Variants in TCOF1 observed in about 807,000 individuals in gnomAD.
TCOF1 encodes the protein treacle ribosome biogenesis factor 1.
In TCOF1, 33 loss-of-function variants were observed where a neutral mutation model predicts 149.0. The ratio of observed to expected loss-of-function variants is 0.22; its 90% CI spans 0.17 to 0.30. TCOF1 has a LOEUF of 0.30. Ranked by LOEUF, TCOF1 falls within the 10% of genes least tolerant of loss-of-function variation. The pLI is 1.00. For missense variants in TCOF1, 1,728 were observed against 1,840.7 expected, an observed-to-expected ratio of 0.94 and a Z score of 1.12; for synonymous variants, 789 against 738.8, an observed-to-expected ratio of 1.07 and a Z score of -1.10.
At chr5:150,367,536 G>A (rs1277244020) in intron 3 of TCOF1, 2 of 401,686 alleles carry the variant, frequency 5.0e-6, no homozygotes, top group Non-Finnish European at 9.5e-6. Flanking sequence ...TGCCCAGTAG[G>A]CAGCAAGAAT....
Position 150,376,308 on chromosome 5 carries a change from G to A in TCOF1, c.2120G>A (p.Gly707Asp). The change falls in exon 13 of 27, where the codon GGT becomes GAT. Residue 707 changes from glycine (G) to aspartate (D), a missense_variant. By Grantham distance (94) the Gly-to-Asp change is moderately conservative. Transcript: ENST00000643257. Reference sequence around the variant, plus strand: ...TCAGATAGTGAGGAAGAGAAGACAGGTCTTGCAGTAACCGTGGGACAGGTG... The same window carrying A: ...TCAGATAGTGAGGAAGAGAAGACAGATCTTGCAGTAACCGTGGGACAGGTG... ...EESDSEEEKT[G>D]LAVTVGQAKS... is the part of the protein sequence containing the mutation. 6.2e-7 allele frequency: 1 copy of A among 1,614,140 alleles called. No homozygotes were observed. The highest frequency in any genetic ancestry group is 1.3e-5 in the African/African-American group (1 of 75,026).
rs199890846 is a variant in TCOF1, at chr5:150,396,520, G to T, written c.4023G>T (p.Lys1341Asn). ...VVDTTKESSR[K>N]GWESRKRKLS... ...ACACCACCAAGGAGAGCAGCAGGAAGGGCTGGGAGAGCCGCAAGCGGAAGC... is the reference window on the plus strand; with the variant it reads ...ACACCACCAAGGAGAGCAGCAGGAATGGCTGGGAGAGCCGCAAGCGGAAGC... Residue 1341 changes from lysine (K) to asparagine (N), a missense_variant, in exon 24 of 27, where the codon AAG becomes AAT. This residue lies in a region of TCOF1 where 1,696 missense variants were observed against 1,765.4 expected (regional missense o/e 0.96). Transcript: ENST00000643257. 1.2e-6 allele frequency: 2 copies of T among 1,610,096 alleles called. No individual in the cohort carries two copies. The highest frequency in any genetic ancestry group is 1.7e-6 in the Non-Finnish European group (2 of 1,178,312).
At chr5:150,395,830 T>C (rs1170787283) in intron 23 of TCOF1, among the ~76,000 whole-genome samples, 1 of 152,140 alleles carries the variant, frequency 6.6e-6, no homozygotes, top group African/African-American at 2.4e-5. Flanking sequence ...CCTCACGTTA[T>C]AGACAGGGAA....
intron 5 of TCOF1, 106 bp from the exon 6 acceptor site, chr5:150,369,423 C>G (rs1762049223): frequency 7.4e-7 from 1 of 1,359,460 alleles, no homozygotes; most frequent in Admixed American, 1.7e-5. Context: ...GGGGTGAGCG[C>G]TCAGCACCTG....
intron 17 of TCOF1, chr5:150,383,131 G>T (rs1436721626): frequency 1.3e-6 from 2 of 1,536,086 alleles, no homozygotes; most frequent in East Asian, 2.4e-5. Context: ...GAACACGGAG[G>T]GGTCCTCGGA....
intron 18 of TCOF1, among the ~76,000 whole-genome samples, chr5:150,389,071 A>G (rs984456846): frequency 2.0e-5 from 3 of 152,214 alleles, no homozygotes; most frequent in Non-Finnish European, 2.9e-5. Context: ...TGAGAGCCCT[A>G]TCTCTACCTA....
chr5:150,383,547 C>T (rs1765665578), intron 17 of TCOF1, among the ~76,000 whole-genome samples: 1 of 152,232 alleles, frequency 6.6e-6, no homozygotes, highest in Non-Finnish European at 1.5e-5. Context: ...AGGTACTTGC[C>T]ACAGTCCCCT....
At chr5:150,359,672 G>A (rs559514552) in intron 1 of TCOF1, among the ~76,000 whole-genome samples, 1 of 152,254 alleles carries the variant, frequency 6.6e-6, no homozygotes, top group South Asian at 2.1e-4. Context: ...CGCAGCTATG[G>A]TACTTCACAG....
Position 150,374,702 on chromosome 5 carries a change from C to T in TCOF1, c.1169C>T (p.Pro390Leu). The change falls in exon 9 of 27, where the codon CCC becomes CTC. Residue 390 changes from proline to leucine, a missense_variant. Around this residue, in one of 2 missense-constraint regions of TCOF1, gnomAD observed 1,696 missense variants for 1,765.4 expected, o/e 0.96. Transcript: ENST00000643257. Reference sequence around the variant, plus strand: ...CCCAGGAAAGGAGCTGCCCCAGCGCCCCCTGGGAAGACAGGGCCTGCAGTT... The same window carrying T: ...CCCAGGAAAGGAGCTGCCCCAGCGCTCCCTGGGAAGACAGGGCCTGCAGTT... ...ESPRKGAAPA[P>L]PGKTGPAVAK... The T allele has an allele frequency of 6.2e-7, 1 of 1,613,716 alleles. No homozygotes were observed.
chr5:150,372,125 A>G lies in TCOF1; in HGVS notation c.759A>G (p.Lys253=), dbSNP rs756393850. ...GKVGDVTPQV[K]GGALPPAKRA... ...TGGGGGATGTGACACCCCAGGTCAA[A>G]GGAGGGGCCCTGCCCCCAGCCAAGA... Residue 253 remains lysine, a synonymous_variant, in exon 7 of 27, where the codon AAA becomes AAG. Coordinates refer to ENST00000643257, the MANE Select transcript of TCOF1 (RefSeq NM_001371623.1). The G allele has an allele frequency of 6.2e-7, 1 of 1,614,236 alleles. No homozygotes were observed. The highest frequency in any genetic ancestry group is 1.7e-5 in the Admixed American group (1 of 60,030).
intron 19 of TCOF1, among the ~76,000 whole-genome samples, chr5:150,390,610 G>A (rs1213707242): frequency 6.6e-6 from 1 of 150,906 alleles, no homozygotes; most frequent in Non-Finnish European, 1.5e-5. Context: ...CCATCCCACT[G>A]AGAGGATGAA....
intron 6 of TCOF1, among the ~76,000 whole-genome samples, chr5:150,371,377 C>T (rs1367085807): frequency 1.3e-5 from 2 of 152,180 alleles, no homozygotes; most frequent in African/African-American, 4.8e-5. Flanking sequence ...CCACTCCCAG[C>T]CCTCCATAAA....
In TCOF1 at chr5:150,387,979, G is replaced by A; in HGVS notation, c.2937G>A (p.Gln979=). The A allele has an allele frequency of 1.2e-6, 2 of 1,613,984 alleles. No individual in the cohort carries two copies. The highest frequency in any genetic ancestry group is 2.2e-5 in the South Asian group (2 of 91,072). Reference sequence around the variant, plus strand: ...CAGCTGCTACACCCGCACAAGCCCAGGCTGCAAGCACCCCGAGGAAGGCCC... The same window carrying A: ...CAGCTGCTACACCCGCACAAGCCCAAGCTGCAAGCACCCCGAGGAAGGCCC... The part of the protein sequence containing the change: ...AGPAATPAQA[Q]AASTPRKARA... The change falls in exon 18 of 27, where the codon CAG becomes CAA. Residue 979 remains glutamine (Q), a synonymous_variant. Coordinates refer to ENST00000643257, the MANE Select transcript of TCOF1 (RefSeq NM_001371623.1).
In TCOF1 at chr5:150,376,418, C is replaced by G. The variant is rs781214207; in HGVS notation, c.2143-5C>G. On this transcript the variant is annotated splice_region_variant and splice_polypyrimidine_tract_variant and intron_variant, in intron 13 of 26. Coordinates refer to ENST00000643257, the MANE Select transcript of TCOF1 (RefSeq NM_001371623.1). ...GAGACACCTCTCTTCCCCTTGTCAT[C>G]CCAGGCAAAGTCTGTGGGGAAAGGC... The G allele has an allele frequency of 6.2e-7, 1 of 1,614,088 alleles. No individual in the cohort carries two copies. Among genetic ancestry groups the G allele is most frequent in the Non-Finnish European group, 8.5e-7 (1 of 1,180,034 alleles).
intron 12 of TCOF1, 84 bp from the exon 13 acceptor site, chr5:150,375,998 C>A (rs1763708257): frequency 6.2e-7 from 1 of 1,613,802 alleles, no homozygotes; most frequent in Admixed American, 1.7e-5. Flanking sequence ...TCAGGCAGAG[C>A]ATGGGTTTTG....
chr5:150,399,129 G>C (rs768783751), intron 26 of TCOF1, 59 bp downstream of exon 26: 53 of 1,609,890 alleles, frequency 3.3e-5, no homozygotes, highest in Non-Finnish European at 4.5e-5. Context: ...GGTGTCCCCT[G>C]TGGTCCCAGA....
In TCOF1 at chr5:150,379,209, A is replaced by G. The variant is rs777568396; in HGVS notation, c.2479-20A>G. 4.3e-6 allele frequency: 7 copies of G among 1,614,008 alleles called. No homozygotes were observed. The highest frequency in any genetic ancestry group is 2.2e-5 in the East Asian group (1 of 44,888). On this transcript the variant is annotated intron_variant, in intron 15 of 26. Transcript: ENST00000643257. ...AGGAATCACTTTTGCCTCCAATACT[A>G]TTATCCCCCTGCAATTCAGGTGAAG...
intron 4 of TCOF1, chr5:150,368,210 G>A: frequency 2.3e-6 from 1 of 440,812 alleles, no homozygotes; most frequent in Non-Finnish European, 4.2e-6. Context: ...TCACTCAACA[G>A]ATCTTGACTA....
chr5:150,399,614 T>C (rs1769369289), intron 26 of TCOF1, among the ~76,000 whole-genome samples, 196 bp from the exon 27 acceptor site: 1 of 152,126 alleles, frequency 6.6e-6, no homozygotes, highest in South Asian at 2.1e-4. Context: ...GCCCGCCTCC[T>C]GGGCCAGTGG....
Sources: allele counts gnomAD v4.1 joint callset (sites outside exome capture counted in the v4.1 genomes callset), GRCh38; gene constraint gnomAD v4.1.1; regional missense constraint gnomAD v4.1.1; transcripts MANE v1.5; gene names NCBI Gene and HGNC (gene_info 2026-07-23, HGNC 2026-07-21).